Variants in PARD3B observed in about 807,000 individuals in gnomAD.
The protein encoded by PARD3B is par-3 family cell polarity regulator beta, also known as partitioning defective 3 homolog B.
Under a neutral mutation model 130.2 loss-of-function variants are expected in PARD3B, and 103 were observed. The ratio of observed to expected loss-of-function variants is 0.79; its 90% CI spans 0.67 to 0.93. The LOEUF (loss-of-function observed/expected upper bound fraction) is 0.93. PARD3B is among the 40% of genes least tolerant of loss of function. The pLI, the probability that PARD3B is intolerant of heterozygous loss-of-function variation, is 0.00. For synonymous variants in PARD3B, 583 were observed against 553.2 expected (o/e 1.05, Z -0.76); for missense variants, 1,609 against 1,499.2 (o/e 1.07, Z -1.21).
intron 2 of PARD3B, among the ~76,000 whole-genome samples, chr2:204,932,383 C>T (rs569452857): frequency 6.6e-6 from 1 of 152,004 alleles, no homozygotes; most frequent in Non-Finnish European, 1.5e-5. Context: ...CATGTAAATT[C>T]TCCTTTAAAT....
intron 3 of PARD3B, among the ~76,000 whole-genome samples, chr2:205,041,073 C>G (rs1447367415): frequency 6.6e-6 from 1 of 152,138 alleles, no homozygotes; most frequent in Non-Finnish European, 1.5e-5. Context: ...AGTATGAAAT[C>G]CTGGCTTTTG....
At chr2:204,922,586 A>G (rs1034944342) in intron 2 of PARD3B, among the ~76,000 whole-genome samples, 1 of 152,122 alleles carries the variant, frequency 6.6e-6, no homozygotes. Context: ...GAAGCTGCTC[A>G]TTGTTCACAA....
chr2:204,809,172 A>G (rs2042877173), intron 2 of PARD3B, among the ~76,000 whole-genome samples: 1 of 151,840 alleles, frequency 6.6e-6, no homozygotes, highest in East Asian at 1.9e-4. Flanking sequence ...GATACTGGAT[A>G]TTAGACCTTT....
intron 2 of PARD3B, among the ~76,000 whole-genome samples, chr2:204,746,015 T>C (rs1207102899): frequency 6.6e-6 from 1 of 151,536 alleles, no homozygotes; most frequent in African/African-American, 2.4e-5. Context: ...AGTTCTAGGG[T>C]ACATGTGTAC....
intron 2 of PARD3B, among the ~76,000 whole-genome samples, chr2:204,857,954 A>G (rs1041678824): frequency 8.5e-5 from 13 of 152,174 alleles, no homozygotes; most frequent in African/African-American, 3.1e-4. Context: ...AATCGTCTAA[A>G]GGGAGGGTTA....
intron 20 of PARD3B, among the ~76,000 whole-genome samples, chr2:205,485,398 T>C (rs1270068985): frequency 6.6e-6 from 1 of 152,188 alleles, no homozygotes; most frequent in Non-Finnish European, 1.5e-5. Flanking sequence ...TCTGGCACGT[T>C]AGCCAACAAG....
chr2:205,280,733 G>T lies in PARD3B; in HGVS notation c.2186-19797G>T, dbSNP rs188737302. On this transcript the variant is annotated intron_variant, in intron 16 of 22. Transcript: ENST00000406610. The surrounding 1 kb of genome is among the most constrained non-coding windows in gnomAD (Gnocchi z 4.7). The stretch of plus-strand genomic sequence containing the variant: ...TTGACATGTCCTATAATTGCCACTT[G>T]GCTAACAAACATTTGATACTTGTCT... Among the ~76,000 whole-genome samples the T allele has an allele frequency of 3.0e-4, 46 of 152,276 alleles. No individual in the cohort carries two copies. The highest frequency in any genetic ancestry group is 9.4e-4 in the African/African-American group (39 of 41,568).
intron 18 of PARD3B, among the ~76,000 whole-genome samples, chr2:205,335,678 A>G (rs554673339): frequency 6.6e-6 from 1 of 152,102 alleles, no homozygotes; most frequent in African/African-American, 2.4e-5. Flanking sequence ...TTACAGTTCT[A>G]CGTGGCTGGG....
chr2:205,080,439 A>C (rs910454007), intron 4 of PARD3B, among the ~76,000 whole-genome samples: 8 of 152,112 alleles, frequency 5.3e-5, no homozygotes, highest in African/African-American at 1.9e-4. Context: ...CACCCTGGCC[A>C]ATATTTCTTA....
intron 2 of PARD3B, among the ~76,000 whole-genome samples, chr2:204,925,531 G>A (rs1215493709): frequency 1.3e-5 from 2 of 151,856 alleles, no homozygotes; most frequent in Admixed American, 6.6e-5. Context: ...AAAATAAATA[G>A]GGTGATGATT....
At position 205,563,651 on chromosome 2, in the gene PARD3B, TA is replaced by T. The variant is rs5837980; in HGVS notation, c.3260+10259del. Among the ~76,000 whole-genome samples the T allele has an allele frequency of 4.6e-4, 68 of 149,186 alleles. 1 individual carries two copies. In the East Asian group the frequency reaches 6.4e-3, roughly 14 times the overall value. On this transcript the variant is annotated intron_variant, in intron 22 of 22. Coordinates refer to ENST00000406610, the MANE Select transcript of PARD3B (RefSeq NM_001302769.2). This position sits in a 1 kb window ranked among gnomAD's most constrained non-coding sequence, Gnocchi z 4.2. ...AGAAAATGTCAAAACCTACGGGTTG[TA>T]AAAAAAAAAAGTAATAAAATACAAG...
chr2:205,120,156 A>G (rs544741255), intron 7 of PARD3B, among the ~76,000 whole-genome samples: 68 of 152,336 alleles, frequency 4.5e-4, no homozygotes, highest in Non-Finnish European at 7.3e-4. Flanking sequence ...TGTTAAAATA[A>G]TGAATGATAG....
chr2:204,775,470 T>G (rs2041578039), intron 2 of PARD3B, among the ~76,000 whole-genome samples: 1 of 152,124 alleles, frequency 6.6e-6, no homozygotes, highest in Non-Finnish European at 1.5e-5. Context: ...TTAATCCTAT[T>G]TTGAGTTGAG....
At chr2:204,953,447 A>AGAGAGG (rs1461734442) in intron 2 of PARD3B, among the ~76,000 whole-genome samples, 1 of 151,368 alleles carries the variant, frequency 6.6e-6, no homozygotes, top group African/African-American at 2.4e-5. Flanking sequence ...AGAGAGAGAG[A>AGAGAGG]GAGAGAGAGA....
intron 22 of PARD3B, among the ~76,000 whole-genome samples, chr2:205,582,335 G>C (rs372324524): frequency 8.5e-5 from 13 of 152,204 alleles, no homozygotes; most frequent in African/African-American, 3.1e-4. Context: ...GAGAAATAAC[G>C]AACGGAAACA....
At chr2:204,995,320 T>C (rs1008908512) in intron 3 of PARD3B, among the ~76,000 whole-genome samples, 129 of 149,972 alleles carry the variant, frequency 8.6e-4, no homozygotes, top group African/African-American at 3.1e-3. Context: ...TAAAGTATTT[T>C]ATTTCTCCTT....
chr2:204,830,360 A>G (rs1278013579), intron 2 of PARD3B, among the ~76,000 whole-genome samples: 4 of 152,180 alleles, frequency 2.6e-5, no homozygotes, highest in Middle Eastern at 3.2e-3. Context: ...AGAGTTGTTT[A>G]AGTAATACCT....
intron 1 of PARD3B, among the ~76,000 whole-genome samples, chr2:204,551,940 G>A (rs1280019050): frequency 6.6e-6 from 1 of 152,196 alleles, no homozygotes; most frequent in African/African-American, 2.4e-5. Flanking sequence ...CTGGGATGAA[G>A]AGATGTTCTA....
intron 16 of PARD3B, among the ~76,000 whole-genome samples, chr2:205,284,533 A>G (rs2041313121): frequency 6.6e-6 from 1 of 152,158 alleles, no homozygotes; most frequent in South Asian, 2.1e-4. Context: ...CTCTATTGAA[A>G]GTGGCTGGGT....
Sources: gnomAD v4.1 joint callset for allele counts (sites outside exome capture counted in the v4.1 genomes callset) on GRCh38, gnomAD v4.1.1 for gene constraint, Gnocchi (gnomAD v3.1) non-coding constraint, MANE v1.5 for transcripts, NCBI Gene and HGNC (gene_info 2026-07-23, HGNC 2026-07-21) for gene names.